The following RAD51D variants were observed in gnomAD, a reference collection of about 807,000 sequenced individuals.
RAD51D encodes RAD51 paralog D.
Under a neutral mutation model 44.1 loss-of-function variants are expected in RAD51D, and 38 were observed. The observed-to-expected ratio is 0.86, with a 90% CI of 0.67 to 1.13. The LOEUF (loss-of-function observed/expected upper bound fraction) is 1.13. Among genes scored for constraint, RAD51D ranks in the 50% most tolerant of loss-of-function variants. The probability of loss-of-function intolerance (pLI) is 0.00; values close to 1 mark genes in which losing one functional copy is unlikely to be tolerated. For synonymous variants in RAD51D, 141 were observed against 166.6 expected, an observed-to-expected ratio of 0.85 and a Z score of 1.18; for missense variants, 390 against 414.0, an observed-to-expected ratio of 0.94 and a Z score of 0.50.
In RAD51D at chr17:35,103,409, G is replaced by A. The variant is rs201881465; in HGVS notation, c.667+45C>T. ...AGAGACCAGACTCCAGAGCTGGGAG[G>A]CGAGGTCACATTCCACTGGCCCCAG... On this transcript the variant is annotated intron_variant, in intron 7 of 9. Transcript: ENST00000345365. The surrounding 1 kb of genome is among the most constrained non-coding windows in gnomAD (Gnocchi z 4.1). 2.5e-5 allele frequency: 41 copies of A among 1,608,416 alleles called. No homozygotes were observed. Among genetic ancestry groups the A allele is most frequent in the Non-Finnish European group, 3.0e-5 (35 of 1,174,770 alleles).
rs1302492956 is a variant in RAD51D, at chr17:35,098,431, G to A, written c.*2522C>T. On this transcript the variant is annotated 3_prime_UTR_variant, in exon 10 of 10. Coordinates refer to ENST00000345365, the MANE Select transcript of RAD51D (RefSeq NM_002878.4). ...TGCATTTTTTTTTTTTTTTTGAGAC[G>A]GAGTCTCACTCTGTCGCTCAGGCTG... 6 of 144,624 alleles carry A rather than the reference G, an allele frequency of 4.1e-5. No individual in the cohort carries two copies. The highest frequency in any genetic ancestry group is 2.1e-4 in the Admixed American group (3 of 14,628). The allele number at this position is 144,624 out of a possible 1,614,324, so 9.0% of individuals were successfully genotyped here. A position where few individuals can be genotyped will look rare whatever the true frequency, so the allele number is the denominator to read the frequency against.
rs1375971106 is a variant in RAD51D at position 35,100,473 on chromosome 17, G to A, written c.*480C>T. On this transcript the variant is annotated 3_prime_UTR_variant, in exon 10 of 10. Transcript: ENST00000345365. Reference sequence around the variant, plus strand: ...GCTTATTTCCACCCAGTAACTCAGAGACAGAGCTAAGGAAGAGTGGGCCCC... The same window carrying A: ...GCTTATTTCCACCCAGTAACTCAGAAACAGAGCTAAGGAAGAGTGGGCCCC... 1 of 535,568 alleles carries A rather than the reference G, an allele frequency of 1.9e-6. No homozygotes were observed. Among genetic ancestry groups the A allele is most frequent in the South Asian group, 1.5e-5 (1 of 65,174 alleles). 33.2% of individuals were successfully genotyped at this position (535,568 alleles called of 1,614,324 possible).
chr17:35,111,195 A>G (rs898439464), intron 3 of RAD51D, among the ~76,000 whole-genome samples: 1 of 151,850 alleles, frequency 6.6e-6, no homozygotes, highest in Non-Finnish European at 1.5e-5. Flanking sequence ...CCTGACCAAC[A>G]TGGAGAAACC....
At chr17:35,105,563 G>A (rs149208086) in intron 6 of RAD51D, among the ~76,000 whole-genome samples, 1 of 152,286 alleles carries the variant, frequency 6.6e-6, no homozygotes, top group Non-Finnish European at 1.5e-5. Flanking sequence ...GGAAAAGTTT[G>A]AGATAAACTA....
rs941014142 is a variant in RAD51D, at chr17:35,103,745, T to C, written c.577-201A>G. 1.3e-5 allele frequency among the ~76,000 whole-genome samples: 2 copies of C among 152,172 alleles called. No homozygotes were observed. The highest frequency in any genetic ancestry group is 4.8e-5 in the African/African-American group (2 of 41,428). ...ATGTGTAACAGACTTCAATGAAGAC[T>C]TGGGTAGAAAGAAAGGGTTTAAATC... is the stretch of plus-strand genomic sequence containing the variant. On this transcript the variant is annotated intron_variant, in intron 6 of 9. Coordinates refer to ENST00000345365, the MANE Select transcript of RAD51D (RefSeq NM_002878.4). The surrounding 1 kb of genome is among the most constrained non-coding windows in gnomAD (Gnocchi z 4.1).
chr17:35,100,379 G>C lies in RAD51D; in HGVS notation c.*574C>G, dbSNP rs1297961642. 2 of 534,090 alleles carry C rather than the reference G, an allele frequency of 3.7e-6. No homozygotes were observed. Among genetic ancestry groups the C allele is most frequent in the African/African-American group, 3.7e-5 (2 of 53,824 alleles). The allele number at this position is 534,090 out of a possible 1,614,324, so 33.1% of individuals were successfully genotyped here. The stretch of plus-strand genomic sequence containing the variant: ...CTAAGGGGAAATCAGGTGGCTCTAG[G>C]GCTCGGGGAATTGCCTTTTTATATT... On this transcript the variant is annotated 3_prime_UTR_variant, in exon 10 of 10. Transcript: ENST00000345365.
chr17:35,093,732 T>G lies in RAD51D; in HGVS notation c.*7221A>C, dbSNP rs1011434555. ...GATTGTTATTGTTGCTTCTATTCTG[T>G]GTAGTACTAAAAGTCAGTTTAGCCA... On this transcript the variant is annotated 3_prime_UTR_variant, in exon 10 of 10. Coordinates refer to ENST00000345365, the MANE Select transcript of RAD51D (RefSeq NM_002878.4). 6.6e-6 allele frequency: 1 copy of G among 152,196 alleles called. No individual in the cohort carries two copies. The highest frequency in any genetic ancestry group is 1.5e-5 in the Non-Finnish European group (1 of 68,028). 9.4% of individuals were successfully genotyped at this position (152,196 alleles called of 1,614,324 possible).
In RAD51D at chr17:35,100,783, G is replaced by A. The variant is rs1382357586; in HGVS notation, c.*170C>T. On this transcript the variant is annotated 3_prime_UTR_variant, in exon 10 of 10. Transcript: ENST00000345365. ...AATGCAGCATCCTCTTTCGCCTGTG[G>A]TTTATATGCTTACAGAGAGTGAGGC... The A allele has an allele frequency of 1.4e-6, 1 of 709,142 alleles. No individual in the cohort carries two copies. The highest frequency in any genetic ancestry group is 2.7e-5 in the East Asian group (1 of 37,232). The allele number at this position is 709,142 out of a possible 1,614,324, so 43.9% of individuals were successfully genotyped here. A position where few individuals can be genotyped will look rare whatever the true frequency, so the allele number is the denominator to read the frequency against.
Position 35,101,350 on chromosome 17 carries a change from T to C in RAD51D, c.754A>G (p.Thr252Ala), listed in dbSNP as rs1173524549. 6.2e-7 allele frequency: 1 copy of C among 1,613,772 alleles called. No individual in the cohort carries two copies. Among genetic ancestry groups the C allele is most frequent in the Non-Finnish European group, 8.5e-7 (1 of 1,179,982 alleles). The change falls in exon 9 of 10, where the codon ACT (threonine) becomes GCT (alanine). Residue 252 changes from threonine (T) to alanine (A), a missense_variant. Coordinates refer to ENST00000345365, the MANE Select transcript of RAD51D (RefSeq NM_002878.4). ...AGCCTCCCGCTGTCCCTGTCTCGAG[T>C]TATGTGGTTGGTCACCTGCAGCAGA... is the stretch of plus-strand genomic sequence containing the variant. ...GMAVVVTNHI[T>A]RDRDSGRLKP...
Position 35,100,559 on chromosome 17 carries a change from T to C in RAD51D, c.*394A>G. The C allele has an allele frequency of 1.8e-6, 1 of 545,624 alleles. No homozygotes were observed. The highest frequency in any genetic ancestry group is 3.5e-6 in the Non-Finnish European group (1 of 284,644). The allele number at this position is 545,624 out of a possible 1,614,324, so 33.8% of individuals were successfully genotyped here. A position where few individuals can be genotyped will look rare whatever the true frequency, so the allele number is the denominator to read the frequency against. On this transcript the variant is annotated 3_prime_UTR_variant, in exon 10 of 10. Transcript: ENST00000345365. Reference sequence around the variant, plus strand: ...AAAAGGCAGCAGCAGCAAAGGCAAGTTAGAGGCTTTCCCGGCTTGGCCACT... The same window carrying C: ...AAAAGGCAGCAGCAGCAAAGGCAAGCTAGAGGCTTTCCCGGCTTGGCCACT...
chr17:35,119,846 C>T lies in RAD51D; in HGVS notation c.-233G>A. Reference sequence around the variant, plus strand: ...CCAGAGCCCGCCCGCCGGGTCGCGCCGCGCTGCCGCTTCCGGGTTCCAGGC... The same window carrying T: ...CCAGAGCCCGCCCGCCGGGTCGCGCTGCGCTGCCGCTTCCGGGTTCCAGGC... On this transcript the variant is annotated 5_prime_UTR_variant, in exon 1 of 10. Coordinates refer to ENST00000345365, the MANE Select transcript of RAD51D (RefSeq NM_002878.4). 1.5e-6 allele frequency: 1 copy of T among 663,684 alleles called. No homozygotes were observed. Among genetic ancestry groups the T allele is most frequent in the Non-Finnish European group, 2.7e-6 (1 of 364,388 alleles). The allele number at this position is 663,684 out of a possible 1,614,324, so 41.1% of individuals were successfully genotyped here. A position where few individuals can be genotyped will look rare whatever the true frequency, so the allele number is the denominator to read the frequency against.
chr17:35,102,001 T>C (rs1302285471), intron 8 of RAD51D, among the ~76,000 whole-genome samples: 2 of 152,154 alleles, frequency 1.3e-5, no homozygotes, highest in African/African-American at 4.8e-5. Flanking sequence ...TATGAATGTA[T>C]TTAACACCAC....
At position 35,097,527 on chromosome 17, in the gene RAD51D, A is replaced by ATC. The variant is rs1567723051; in HGVS notation, c.*3425_*3426insGA. Reference sequence around the variant, plus strand: ...TGTGTGTGTGTGTGTGTATATATATATATATATGTATATGTATATGTATAT... The same window carrying ATC: ...TGTGTGTGTGTGTGTGTATATATATATCTATATATGTATATGTATATGTATAT... On this transcript the variant is annotated 3_prime_UTR_variant, in exon 10 of 10. Coordinates refer to ENST00000345365, the MANE Select transcript of RAD51D (RefSeq NM_002878.4). 2.0e-5 allele frequency: 3 copies of ATC among 150,826 alleles called. No homozygotes were observed. The highest frequency in any genetic ancestry group is 7.3e-5 in the African/African-American group (3 of 41,036). 9.3% of individuals were successfully genotyped at this position (150,826 alleles called of 1,614,324 possible). A position where few individuals can be genotyped will look rare whatever the true frequency, so the allele number is the denominator to read the frequency against.
intron 3 of RAD51D, among the ~76,000 whole-genome samples, chr17:35,113,019 T>G (rs8075583): frequency 0.035 from 5,379 of 152,276 alleles, 230 homozygotes; most frequent in African/African-American, 0.094. Flanking sequence ...ATAAACCTCA[T>G]GACATGCCAA....
chr17:35,106,643 G>C (rs193099866), intron 5 of RAD51D, among the ~76,000 whole-genome samples, 162 bp from the exon 6 acceptor site: 3 of 152,298 alleles, frequency 2.0e-5, no homozygotes, highest in Non-Finnish European at 1.5e-5. Context: ...CTGCCTGGGT[G>C]CTGAGCTGTA....
chr17:35,115,826 C>T (rs925817766), intron 3 of RAD51D, among the ~76,000 whole-genome samples: 5 of 148,850 alleles, frequency 3.4e-5, no homozygotes, highest in African/African-American at 5.0e-5. Flanking sequence ...GCCGAGATCA[C>T]GCCACTGCAC....
chr17:35,101,304 G>T lies in RAD51D; in HGVS notation c.800C>A (p.Ser267Tyr), dbSNP rs1064793702. 1 of 1,614,150 alleles carries T rather than the reference G, an allele frequency of 6.2e-7. No homozygotes were observed. Residue 267 changes from serine to tyrosine, a missense_variant, in exon 9 of 10, where the codon TCC becomes TAC. Ser to Tyr is a moderately radical substitution (Grantham distance 144). Coordinates refer to ENST00000345365, the MANE Select transcript of RAD51D (RefSeq NM_002878.4). ...CCGAGTGCTGGGCACAAAGCTCCAG[G>T]AGCGTCCGAGGGCAGGTTTGAGCCT... ...SGRLKPALGR[S>Y]WSFVPSTRIL...
At chr17:35,102,540 G>A (rs570106332) in intron 8 of RAD51D, among the ~76,000 whole-genome samples, 8 of 151,812 alleles carry the variant, frequency 5.3e-5, no homozygotes, top group African/African-American at 1.9e-4. Context: ...TGAGGCGGGT[G>A]GATTGCTTGA....
At chr17:35,108,974 C>A (rs28363271) in intron 3 of RAD51D, among the ~76,000 whole-genome samples, 4 of 150,792 alleles carry the variant, frequency 2.7e-5, no homozygotes, top group African/African-American at 4.9e-5. Context: ...TCAAGCAGTT[C>A]TCCTGTCTCA....
Sources: allele counts gnomAD v4.1 joint callset (sites outside exome capture counted in the v4.1 genomes callset), GRCh38; gene constraint gnomAD v4.1.1; non-coding constraint Gnocchi (gnomAD v3.1); transcripts MANE v1.5; gene names NCBI Gene and HGNC (gene_info 2026-07-23, HGNC 2026-07-21).